Variants in FLT1 observed in about 807,000 individuals in gnomAD.
The protein encoded by FLT1 is vascular endothelial growth factor receptor 1.
FLT1 carries 49 observed loss-of-function variants against 156.3 expected under a neutral mutation model. The ratio of observed to expected loss-of-function variants is 0.31; its 90% CI spans 0.25 to 0.40. The LOEUF (loss-of-function observed/expected upper bound fraction) is 0.40, where lower values mean the gene tolerates loss of function less well. Ranked by LOEUF, FLT1 falls within the 10% of genes least tolerant of loss-of-function variation. The pLI is 1.00. For synonymous variants in FLT1, 594 were observed against 583.8 expected (o/e 1.02, Z -0.25); for missense variants, 1,322 against 1,637.2 (o/e 0.81, Z 3.32).
chr13:28,311,837 T>G (rs1387918618), intron 26 of FLT1, 105 bp from the exon 27 acceptor site: 11 of 1,355,660 alleles, frequency 8.1e-6, no homozygotes, highest in Middle Eastern at 1.9e-4. Flanking sequence ...ATCTTGGTTG[T>G]GTTTTGAGAA....
intron 19 of FLT1, 64 bp from the exon 20 acceptor site, chr13:28,327,614 T>G (rs1448787860): frequency 8.5e-7 from 1 of 1,170,636 alleles, no homozygotes; most frequent in Non-Finnish European, 1.3e-6. Context: ...TTTGCCAGCC[T>G]TCAGCCTGCC....
intron 14 of FLT1, among the ~76,000 whole-genome samples, chr13:28,371,751 G>A (rs1166602417): frequency 6.6e-6 from 1 of 152,068 alleles, no homozygotes; most frequent in Non-Finnish European, 1.5e-5. Context: ...AACCTGAAAA[G>A]GCATTTAAGT....
chr13:28,391,992 C>T (rs544828941), intron 12 of FLT1, among the ~76,000 whole-genome samples: 128 of 152,138 alleles, frequency 8.4e-4, no homozygotes, highest in Non-Finnish European at 7.1e-4. Context: ...TTATGTTATG[C>T]TATTATTATT....
chr13:28,430,218 C>G, intron 7 of FLT1, 51 bp from the exon 8 acceptor site: 1 of 1,369,362 alleles, frequency 7.3e-7, no homozygotes, highest in Non-Finnish European at 1.0e-6. Context: ...TTTCCATAAA[C>G]AAAACCTTAG....
Position 28,473,585 on chromosome 13 carries a change from C to T in FLT1, c.65-5968G>A, listed in dbSNP as rs1425311339. Among the ~76,000 whole-genome samples the T allele has an allele frequency of 2.0e-5, 3 of 150,660 alleles. No individual in the cohort carries two copies. In the East Asian group the frequency reaches 5.9e-4, roughly 29 times the overall value. ...GCTTAAACCCGGGAGGCGGAGATTG[C>T]AGTGAGCCAAGACTGCGCAATTGCA... On this transcript the variant is annotated intron_variant, in intron 1 of 29. Coordinates refer to ENST00000282397, the MANE Select transcript of FLT1 (RefSeq NM_002019.4).
chr13:28,343,518 C>T lies in FLT1; in HGVS notation c.2355+1927G>A, dbSNP rs541971128. Among the ~76,000 whole-genome samples the T allele has an allele frequency of 3.3e-5, 5 of 152,140 alleles. No individual in the cohort carries two copies. In the South Asian group the frequency reaches 1.0e-3, roughly 32 times the overall value. On this transcript the variant is annotated intron_variant, in intron 16 of 29. Coordinates refer to ENST00000282397, the MANE Select transcript of FLT1 (RefSeq NM_002019.4). ...TTTTCACCATGTTGGCTAGGCTGGT[C>T]TTGAACTTCTGACCTCAGGTGATCC... is the stretch of plus-strand genomic sequence containing the variant.
intron 17 of FLT1, among the ~76,000 whole-genome samples, chr13:28,335,304 G>A (rs1174401062): frequency 6.6e-6 from 1 of 152,128 alleles, no homozygotes; most frequent in African/African-American, 2.4e-5. Flanking sequence ...CTGGCAGTTA[G>A]AGTGTTAATT....
intron 1 of FLT1, among the ~76,000 whole-genome samples, chr13:28,474,759 T>C (rs888638841): frequency 6.6e-6 from 1 of 152,140 alleles, no homozygotes; most frequent in Non-Finnish European, 1.5e-5. Context: ...GTTGCACAAC[T>C]CTTGAATGGA....
chr13:28,467,163 A>G (rs371777709), intron 2 of FLT1, 34 bp from the exon 3 acceptor site: 142 of 1,523,494 alleles, frequency 9.3e-5, no homozygotes, highest in Middle Eastern at 1.7e-4. Context: ...AAACATATTT[A>G]TGGCTGGGCC....
intron 7 of FLT1, 75 bp downstream of exon 7, chr13:28,431,061 A>C: frequency 2.3e-6 from 3 of 1,324,908 alleles, no homozygotes; most frequent in Non-Finnish European, 3.3e-6. Context: ...CAGAAAACTG[A>C]CTTATTTAGA....
At chr13:28,404,037 T>C (rs1159173500) in intron 11 of FLT1, among the ~76,000 whole-genome samples, 1 of 87,460 alleles carries the variant, frequency 1.1e-5, no homozygotes, top group African/African-American at 3.7e-5. Flanking sequence ...GTGAGACTCT[T>C]TGTCTCAAAA....
intron 4 of FLT1, among the ~76,000 whole-genome samples, chr13:28,436,476 A>G (rs1878028503): frequency 1.3e-5 from 2 of 152,180 alleles, no homozygotes; most frequent in Admixed American, 1.3e-4. Context: ...CTCTTTTTAA[A>G]TTGTGCACTC....
Position 28,349,425 on chromosome 13 carries a change from TACACACACAC to T in FLT1, c.2249-3884_2249-3875del, listed in dbSNP as rs34182100. Among the ~76,000 whole-genome samples, 215 of 147,012 alleles carry T rather than the reference TACACACACAC, an allele frequency of 1.5e-3. No individual in the cohort carries two copies. In the East Asian group the frequency reaches 0.015, roughly 10 times the overall value. ...AGTGAGGTTTAATGCGGCCTTGCTG[TACACACACAC>T]ACACACACACACACACACACACACA... On this transcript the variant is annotated intron_variant, in intron 15 of 29. Transcript: ENST00000282397.
chr13:28,310,314 G>A (rs1870945654), intron 27 of FLT1, among the ~76,000 whole-genome samples: 1 of 152,138 alleles, frequency 6.6e-6, no homozygotes, highest in Non-Finnish European at 1.5e-5. Flanking sequence ...GTACAGTCTG[G>A]AGGCCCTAAA....
Position 28,311,735 on chromosome 13 carries a change from A to G in FLT1, c.3493-3T>C. 6.2e-7 allele frequency: 1 copy of G among 1,613,978 alleles called. No homozygotes were observed. The highest frequency in any genetic ancestry group is 1.1e-5 in the South Asian group (1 of 91,078). ...ATTGGGATGTAGTCTTTACCATCCT[A>G]AAATACCAAAGGTAGAGCTCTCGTT... is the stretch of plus-strand genomic sequence containing the variant. On this transcript the variant is annotated splice_polypyrimidine_tract_variant and splice_region_variant and intron_variant, in intron 26 of 29. Coordinates refer to ENST00000282397, the MANE Select transcript of FLT1 (RefSeq NM_002019.4).
chr13:28,448,459 T>C (rs925957419), intron 3 of FLT1, among the ~76,000 whole-genome samples: 2 of 152,226 alleles, frequency 1.3e-5, no homozygotes, highest in Non-Finnish European at 2.9e-5. Flanking sequence ...ACATGCATGA[T>C]ACATGAAAGA....
At chr13:28,346,282 CTT>C (rs1872563329) in intron 15 of FLT1, 1 of 152,348 alleles carries the variant, frequency 6.6e-6, no homozygotes, top group Non-Finnish European at 1.5e-5. Context: ...AAGGAAAAGA[CTT>C]AAAGTATTCA....
At chr13:28,385,425 AGT>A in intron 13 of FLT1, 1 of 633,890 alleles carries the variant, frequency 1.6e-6, no homozygotes, top group South Asian at 5.4e-5. Context: ...ATAAATATAT[AGT>A]GCTGTAGTGA....
At chr13:28,469,686 A>G (rs1265585323) in intron 1 of FLT1, among the ~76,000 whole-genome samples, 2 of 152,228 alleles carry the variant, frequency 1.3e-5, no homozygotes, top group East Asian at 3.9e-4. Flanking sequence ...TATAATTTCA[A>G]AGATACTAAA....
Sources: gnomAD v4.1 joint callset for allele counts (sites outside exome capture counted in the v4.1 genomes callset) on GRCh38, gnomAD v4.1.1 for gene constraint, MANE v1.5 for transcripts, NCBI Gene and HGNC (gene_info 2026-07-23, HGNC 2026-07-21) for gene names.